The following HARS1 variants were observed in gnomAD, a reference collection of about 807,000 sequenced individuals.
HARS1 encodes the protein histidyl-tRNA synthetase 1.
In HARS1, 45 loss-of-function variants were observed where a neutral mutation model predicts 63.6. The observed-to-expected ratio is 0.71, with a 90% CI of 0.56 to 0.91. The LOEUF is 0.91. Among genes scored for constraint, HARS1 ranks in the 40% least tolerant of loss-of-function variants. The pLI is 0.00. For synonymous variants in HARS1, 205 were observed against 247.1 expected, an observed-to-expected ratio of 0.83 and a Z score of 1.60; for missense variants, 508 against 643.2, an observed-to-expected ratio of 0.79 and a Z score of 2.27.
In HARS1 at chr5:140,676,449, G is replaced by T; in HGVS notation, c.1194+205C>A. 3.2e-6 allele frequency: 2 copies of T among 622,610 alleles called. No individual in the cohort carries two copies. Among genetic ancestry groups the T allele is most frequent in the Non-Finnish European group, 5.6e-6 (2 of 356,846 alleles). 38.6% of individuals were successfully genotyped at this position (622,610 alleles called of 1,614,324 possible). On this transcript the variant is annotated intron_variant, in intron 10 of 12. Coordinates refer to ENST00000504156, the MANE Select transcript of HARS1 (RefSeq NM_002109.6). This position sits in a 1 kb window ranked among gnomAD's most constrained non-coding sequence, Gnocchi z 4.1. ...AAGGAAGTAGAGACCCAGAGCAGAG[G>T]ATTGAGTGCAGAAAGATTATGGATT... is the stretch of plus-strand genomic sequence containing the variant.
At chr5:140,691,163 T>C in intron 1 of HARS1, 52 bp downstream of exon 1, 8 of 1,368,932 alleles carry the variant, frequency 5.8e-6, no homozygotes, top group Non-Finnish European at 7.2e-6. Context: ...ACCCTGGCTT[T>C]ACGTCCTCCC....
Position 140,679,808 on chromosome 5 carries a change from A to G in HARS1, c.376T>C (p.Ser126Pro), listed in dbSNP as rs777872938. 1 of 1,602,388 alleles carries G rather than the reference A, an allele frequency of 6.2e-7. No individual in the cohort carries two copies. The highest frequency in any genetic ancestry group is 1.7e-5 in the Admixed American group (1 of 59,896). Residue 126 changes from serine to proline, a missense_variant, in exon 4 of 13, where the codon TCC becomes CCC. Physicochemically the swap from Ser to Pro is moderately conservative, Grantham distance 74. Transcript: ENST00000504156. This position sits in a 1 kb window ranked among gnomAD's most constrained non-coding sequence, Gnocchi z 4.3. ...DLKDQGGELL[S>P]LRYDLTVPFA... ...GATACAGTGAGGTCATAGCGAAGGG[A>G]CAGGAGCTCCCCGCCCTGGTCCTTC...
At position 140,683,169 on chromosome 5, in the gene HARS1, A is replaced by G; in HGVS notation, c.231T>C (p.Phe77=). The change falls in exon 3 of 13, where the codon TTT becomes TTC. Residue 77 remains phenylalanine (F), a synonymous_variant. Transcript: ENST00000504156. ...GCTTGAAGCAACGGATGATTACGTCAAACACCTTCTCGCGAACTGCCATCT... is the reference window on the plus strand; with the variant it reads ...GCTTGAAGCAACGGATGATTACGTCGAACACCTTCTCGCGAACTGCCATCT... ...PRQMAVREKV[F]DVIIRCFKRH... The G allele has an allele frequency of 6.2e-7, 1 of 1,613,978 alleles. No homozygotes were observed. Among genetic ancestry groups the G allele is most frequent in the African/African-American group, 1.3e-5 (1 of 75,068 alleles).
chr5:140,674,714 C>A lies in HARS1; in HGVS notation c.1423G>T (p.Val475Phe), dbSNP rs761435987. 6.2e-7 allele frequency: 1 copy of A among 1,614,236 alleles called. No homozygotes were observed. Among genetic ancestry groups the A allele is most frequent in the East Asian group, 2.2e-5 (1 of 44,890 alleles). Residue 475 changes from valine to phenylalanine, a missense_variant, in exon 12 of 13, where the codon GTC (valine) becomes TTC (phenylalanine). Transcript: ENST00000504156. The part of the protein sequence containing the change: ...IIGEQELKDG[V>F]IKLRSVTSRE... The stretch of plus-strand genomic sequence containing the variant: ...CTCGTCACTGAACGGAGCTTGATGA[C>A]CCCATCCTTGAGTTCCTGCTCGCCG...
Position 140,679,256 on chromosome 5 carries a change from C to T in HARS1, c.397-129G>A. The T allele has an allele frequency of 1.3e-6, 1 of 779,302 alleles. No individual in the cohort carries two copies. The highest frequency in any genetic ancestry group is 1.7e-5 in the South Asian group (1 of 59,890). 48.3% of individuals were successfully genotyped at this position (779,302 alleles called of 1,614,324 possible). On this transcript the variant is annotated intron_variant, in intron 4 of 12. Coordinates refer to ENST00000504156, the MANE Select transcript of HARS1 (RefSeq NM_002109.6). This position sits in a 1 kb window ranked among gnomAD's most constrained non-coding sequence, Gnocchi z 4.3. ...ACTGCCACCCATAAGATTAATAGCA[C>T]TTACAAACATCAGAAAGCATCAGCT...
intron 7 of HARS1, 109 bp from the exon 8 acceptor site, chr5:140,677,529 A>G (rs1758455456): frequency 9.4e-7 from 1 of 1,063,914 alleles, no homozygotes; most frequent in East Asian, 2.4e-5. Flanking sequence ...CCATGAGCCT[A>G]CATCCTGGGG....
rs779580751 is a variant in HARS1, at chr5:140,691,201, T to G, written c.90+14A>C. 7 of 1,583,070 alleles carry G rather than the reference T, an allele frequency of 4.4e-6. No individual in the cohort carries two copies. The highest frequency in any genetic ancestry group is 6.0e-6 in the Non-Finnish European group (7 of 1,162,318). On this transcript the variant is annotated intron_variant, in intron 1 of 12. Transcript: ENST00000504156. ...GCTTTGCCTTGGCCCTCTCCCCTGC[T>G]GCCTAAATCTCACCAGCTCGGCGCT... is the stretch of plus-strand genomic sequence containing the variant.
At chr5:140,674,936 G>T in intron 11 of HARS1, 81 bp downstream of exon 11, 1 of 1,462,010 alleles carries the variant, frequency 6.8e-7, no homozygotes, top group Non-Finnish European at 9.6e-7. Context: ...GTAATGGCAG[G>T]ATCCATTATG....
At chr5:140,683,852 G>A (rs1472475832) in intron 2 of HARS1, 1 of 151,950 alleles carries the variant, frequency 6.6e-6, no homozygotes, top group Admixed American at 6.6e-5. Flanking sequence ...AAATGGTGGT[G>A]GCAGGTGCCT....
rs1196203880 is a variant in HARS1, at chr5:140,679,960, C to A, written c.301-77G>T. Reference sequence around the variant, plus strand: ...AAGGAAGTTTTGAAAACAAACATGACTGATTCCAACTTGTCTACATTTCCC... The same window carrying A: ...AAGGAAGTTTTGAAAACAAACATGAATGATTCCAACTTGTCTACATTTCCC... On this transcript the variant is annotated intron_variant, in intron 3 of 12. Coordinates refer to ENST00000504156, the MANE Select transcript of HARS1 (RefSeq NM_002109.6). This position sits in a 1 kb window ranked among gnomAD's most constrained non-coding sequence, Gnocchi z 4.3. The A allele has an allele frequency of 1.3e-6, 1 of 744,700 alleles. No individual in the cohort carries two copies. The highest frequency in any genetic ancestry group is 1.8e-5 in the African/African-American group (1 of 56,380). 46.1% of individuals were successfully genotyped at this position (744,700 alleles called of 1,614,324 possible). A position where few individuals can be genotyped will look rare whatever the true frequency, so the allele number is the denominator to read the frequency against.
chr5:140,686,604 T>TA, intron 2 of HARS1, among the ~76,000 whole-genome samples: 2 of 128,064 alleles, frequency 1.6e-5, no homozygotes, highest in East Asian at 4.4e-4. Flanking sequence ...TCTAAAATTC[T>TA]TTTTTTTTTT....
At chr5:140,678,217 TCC>T in intron 5 of HARS1, 1 of 584,700 alleles carries the variant, frequency 1.7e-6, no homozygotes, top group Non-Finnish European at 3.0e-6. Context: ...ACTGGGCTAT[TCC>T]TTCATTTTCT....
intron 5 of HARS1, 34 bp from the exon 6 acceptor site, chr5:140,678,049 G>T: frequency 8.4e-7 from 1 of 1,187,040 alleles, no homozygotes; most frequent in Non-Finnish European, 1.3e-6. Context: ...GGTCTTCAGG[G>T]ATTCACCTTT....
Position 140,676,825 on chromosome 5 carries a change from T to C in HARS1, c.1023A>G (p.Leu341=), listed in dbSNP as rs1412387760. ...YTGVIYEAVL[L]QTPAQAGEEP... ...CTTCCCCTGCCTGGGCTGGGGTCTG[T>C]AGCAGCACTGCCTCATAGATCACCC... Residue 341 remains leucine (L), a synonymous_variant, in exon 10 of 13, where the codon CTA becomes CTG. Transcript: ENST00000504156. This position sits in a 1 kb window ranked among gnomAD's most constrained non-coding sequence, Gnocchi z 4.1. 6.2e-7 allele frequency: 1 copy of C among 1,614,190 alleles called. No homozygotes were observed. Among genetic ancestry groups the C allele is most frequent in the Non-Finnish European group, 8.5e-7 (1 of 1,180,012 alleles).
At chr5:140,682,662 A>T (rs73791749) in intron 3 of HARS1, 2,549 of 154,922 alleles carry the variant, frequency 0.016, 72 homozygotes, top group African/African-American at 0.059. Flanking sequence ...GGATCCAGTG[A>T]TCTTTCTGCT....
chr5:140,680,022 G>C, intron 3 of HARS1, 139 bp from the exon 4 acceptor site: 1 of 457,794 alleles, frequency 2.2e-6, no homozygotes, highest in Non-Finnish European at 3.9e-6. Flanking sequence ...GTCTGATGTA[G>C]TTATCATTAA....
intron 7 of HARS1, 75 bp from the exon 8 acceptor site, chr5:140,677,495 G>A: frequency 7.9e-7 from 1 of 1,272,268 alleles, no homozygotes; most frequent in Non-Finnish European, 1.2e-6. Flanking sequence ...TGTCCTCGGG[G>A]AACCGTTTTA....
rs1278446107 is a variant in HARS1 at position 140,676,152 on chromosome 5, A to G, written c.1194+502T>C. The G allele has an allele frequency of 6.4e-6, 1 of 155,854 alleles. No homozygotes were observed. Among genetic ancestry groups the G allele is most frequent in the Non-Finnish European group, 1.4e-5 (1 of 70,548 alleles). 9.7% of individuals were successfully genotyped at this position (155,854 alleles called of 1,614,324 possible). A position where few individuals can be genotyped will look rare whatever the true frequency, so the allele number is the denominator to read the frequency against. On this transcript the variant is annotated intron_variant, in intron 10 of 12. Transcript: ENST00000504156. This position sits in a 1 kb window ranked among gnomAD's most constrained non-coding sequence, Gnocchi z 4.1. ...TGGTTAGTGGCAAGACTTTGGAGTC[A>G]GACTGCCTGGATTCAAATTCTGACC... is the stretch of plus-strand genomic sequence containing the variant.
Position 140,674,666 on chromosome 5 carries a change from C to G in HARS1, c.1458+13G>C. 1 of 1,614,178 alleles carries G rather than the reference C, an allele frequency of 6.2e-7. No homozygotes were observed. Among genetic ancestry groups the G allele is most frequent in the Non-Finnish European group, 8.5e-7 (1 of 1,180,004 alleles). The stretch of plus-strand genomic sequence containing the variant: ...ATTCTCTGTCCCTTAGCCTTCCTGC[C>G]CACCTCCCTCACCTCTTCCCTGCTC... On this transcript the variant is annotated intron_variant, in intron 12 of 12. Coordinates refer to ENST00000504156, the MANE Select transcript of HARS1 (RefSeq NM_002109.6).
Sources: allele counts gnomAD v4.1 joint callset (sites outside exome capture counted in the v4.1 genomes callset), GRCh38; gene constraint gnomAD v4.1.1; non-coding constraint Gnocchi (gnomAD v3.1); transcripts MANE v1.5; gene names NCBI Gene and HGNC (gene_info 2026-07-23, HGNC 2026-07-21).